The following LTBP1 variants were observed in gnomAD, a reference collection of about 807,000 sequenced individuals.
LTBP1 encodes the protein latent transforming growth factor beta binding protein 1, also known as latent-transforming growth factor beta-binding protein 1.
A neutral mutation model predicts 207.6 loss-of-function variants in LTBP1; 129 were observed. The ratio of observed to expected loss-of-function variants is 0.62; its 90% CI spans 0.54 to 0.72. LTBP1 has a LOEUF of 0.72. LTBP1 is among the 30% of genes least tolerant of loss of function. The probability of loss-of-function intolerance (pLI) is 0.00; values close to 1 mark genes in which losing one functional copy is unlikely to be tolerated. For missense variants in LTBP1, 2,281 were observed against 2,217.2 expected, an observed-to-expected ratio of 1.03 and a Z score of -0.58; for synonymous variants, 963 against 833.7, an observed-to-expected ratio of 1.16 and a Z score of -2.67.
chr2:33,349,603 T>TA lies in LTBP1; in HGVS notation c.4000+2096dup, dbSNP rs1258513807. Among the ~76,000 whole-genome samples, 5 of 152,314 alleles carry TA rather than the reference T, an allele frequency of 3.3e-5. No homozygotes were observed. The East Asian group carries it at 9.6e-4, about 29-fold the overall frequency. On this transcript the variant is annotated intron_variant, in intron 26 of 33. Transcript: ENST00000404816. Reference sequence around the variant, plus strand: ...TTCTTTGTAGAAGGGAGTGAGAATCTAAAGCCTTTTTCAAAACAAATGAAT... The same window carrying TA: ...TTCTTTGTAGAAGGGAGTGAGAATCTAAAAGCCTTTTTCAAAACAAATGAAT...
intron 10 of LTBP1, among the ~76,000 whole-genome samples, chr2:33,246,476 C>T (rs2092514396): frequency 6.6e-6 from 1 of 151,058 alleles, no homozygotes; most frequent in Admixed American, 6.6e-5. Flanking sequence ...CACACACGCA[C>T]ACGCACACAC....
intron 3 of LTBP1, among the ~76,000 whole-genome samples, chr2:33,036,721 G>A (rs1470316375): frequency 2.0e-5 from 3 of 152,182 alleles, no homozygotes; most frequent in Non-Finnish European, 4.4e-5. Flanking sequence ...TCTTCCCAAA[G>A]TGCTGGGATT....
At chr2:32,987,401 C>T (rs1454404571) in intron 2 of LTBP1, among the ~76,000 whole-genome samples, 1 of 152,002 alleles carries the variant, frequency 6.6e-6, no homozygotes, top group Admixed American at 6.6e-5. Flanking sequence ...GAGGGGGTTG[C>T]ATCAGCTGGG....
intron 7 of LTBP1, among the ~76,000 whole-genome samples, 165 bp downstream of exon 7, chr2:33,189,016 C>A (rs1233396596): frequency 6.6e-6 from 1 of 152,186 alleles, no homozygotes; most frequent in East Asian, 1.9e-4. Context: ...ACACTCATAG[C>A]CACACTTATT....
chr2:33,014,445 G>T (rs1373223573), intron 2 of LTBP1, among the ~76,000 whole-genome samples: 1 of 152,172 alleles, frequency 6.6e-6, no homozygotes, highest in Non-Finnish European at 1.5e-5. Context: ...TCAAAGGGCA[G>T]CTGGGAATTA....
At chr2:33,067,969 C>G (rs1006672745) in intron 3 of LTBP1, among the ~76,000 whole-genome samples, 1 of 152,024 alleles carries the variant, frequency 6.6e-6, no homozygotes, top group Admixed American at 6.6e-5. Flanking sequence ...AGGAGGATAT[C>G]AACAGAAGAA....
intron 31 of LTBP1, among the ~76,000 whole-genome samples, chr2:33,385,400 C>G (rs182913308): frequency 1.3e-5 from 2 of 152,296 alleles, no homozygotes; most frequent in East Asian, 3.9e-4. Flanking sequence ...ATAATACTGT[C>G]TTTAAAAAAA....
intron 24 of LTBP1, among the ~76,000 whole-genome samples, chr2:33,327,130 G>A (rs770193692): frequency 7.2e-5 from 11 of 152,276 alleles, no homozygotes; most frequent in Admixed American, 1.3e-4. Context: ...ACTCTCAGTG[G>A]TTCAGATAGA....
chr2:33,259,713 A>G (rs557179157), intron 13 of LTBP1, 103 bp downstream of exon 13: 1 of 1,047,838 alleles, frequency 9.5e-7, no homozygotes, highest in Non-Finnish European at 1.4e-6. Flanking sequence ...TAACATCTCT[A>G]TTATGCATCA....
intron 5 of LTBP1, among the ~76,000 whole-genome samples, chr2:33,165,471 G>T (rs944227137): frequency 1.3e-5 from 2 of 152,196 alleles, no homozygotes; most frequent in Non-Finnish European, 2.9e-5. Flanking sequence ...TAAAAACTTA[G>T]AACTGAGAAA....
intron 16 of LTBP1, among the ~76,000 whole-genome samples, chr2:33,274,340 T>C (rs1043058559): frequency 1.3e-5 from 2 of 148,374 alleles, no homozygotes; most frequent in African/African-American, 4.9e-5. Flanking sequence ...TAATTTCTCT[T>C]TTTTTTTTTA....
chr2:33,341,725 A>ATATAT (rs1330972442), intron 24 of LTBP1, among the ~76,000 whole-genome samples: 5 of 93,212 alleles, frequency 5.4e-5, no homozygotes, highest in South Asian at 3.8e-4. Flanking sequence ...AAAAAAAAAA[A>ATATAT]AAAAATATAT....
At chr2:32,956,013 A>G (rs1037583430) in intron 2 of LTBP1, among the ~76,000 whole-genome samples, 1 of 152,224 alleles carries the variant, frequency 6.6e-6, no homozygotes, top group African/African-American at 2.4e-5. Context: ...ATTGTAGACT[A>G]TTAAGTGTAC....
chr2:33,024,414 T>C (rs1437655811), intron 3 of LTBP1, among the ~76,000 whole-genome samples: 1 of 152,066 alleles, frequency 6.6e-6, no homozygotes, highest in Non-Finnish European at 1.5e-5. Context: ...ACCCTGCAGA[T>C]ATGTAGGGGT....
intron 24 of LTBP1, among the ~76,000 whole-genome samples, chr2:33,336,216 T>G (rs1195690278): frequency 6.6e-6 from 1 of 152,216 alleles, no homozygotes; most frequent in African/African-American, 2.4e-5. Flanking sequence ...TGTTCTGACC[T>G]CCATCTTCAT....
chr2:33,176,095 T>C (rs1322300442), intron 5 of LTBP1, among the ~76,000 whole-genome samples: 1 of 151,592 alleles, frequency 6.6e-6, no homozygotes, highest in Non-Finnish European at 1.5e-5. Context: ...GCATGGCACA[T>C]GTATACATAC....
chr2:33,066,662 C>G (rs79520052), intron 3 of LTBP1, among the ~76,000 whole-genome samples: 4 of 152,100 alleles, frequency 2.6e-5, no homozygotes, highest in African/African-American at 9.7e-5. Context: ...TCACTTATCA[C>G]AATATTTTCA....
At chr2:33,026,013 T>G (rs1471584483) in intron 3 of LTBP1, among the ~76,000 whole-genome samples, 1 of 152,078 alleles carries the variant, frequency 6.6e-6, no homozygotes, top group Non-Finnish European at 1.5e-5. Flanking sequence ...TTGACAATAG[T>G]AACAATAAAA....
In LTBP1 at chr2:33,020,950, C is replaced by A; in HGVS notation, c.607C>A (p.Arg203=). The A allele has an allele frequency of 1.2e-6, 2 of 1,601,822 alleles. No individual in the cohort carries two copies. The highest frequency in any genetic ancestry group is 3.4e-5 in the Admixed American group (2 of 59,562). The change falls in exon 3 of 34, where the codon CGG becomes AGG. Residue 203 remains arginine, a synonymous_variant. Coordinates refer to ENST00000404816, the MANE Select transcript of LTBP1 (RefSeq NM_206943.4). ...PPCQNGGMCL[R]PQLCVCKPGT... ...ATGTCAGAATGGAGGGATGTGTCTC[C>A]GGCCACAACTCTGTGTGTGTAAACC...
Sources: allele counts gnomAD v4.1 joint callset (sites outside exome capture counted in the v4.1 genomes callset), GRCh38; gene constraint gnomAD v4.1.1; transcripts MANE v1.5; gene names NCBI Gene and HGNC (gene_info 2026-07-23, HGNC 2026-07-21).